KIAA0319: variants seen among roughly 807,000 people sequenced by gnomAD.
KIAA0319 encodes KIAA0319.
Under a neutral mutation model 108.4 loss-of-function variants are expected in KIAA0319, and 83 were observed. The observed-to-expected ratio is 0.77, with a 90% confidence interval of 0.64 to 0.92. The LOEUF (loss-of-function observed/expected upper bound fraction) is 0.92. Ranked by LOEUF, KIAA0319 falls within the 40% of genes least tolerant of loss-of-function variation. The pLI is 0.00. For missense variants in KIAA0319, 1,195 were observed against 1,322.4 expected, an observed-to-expected ratio of 0.90 and a Z score of 1.49; for synonymous variants, 484 against 510.4, an observed-to-expected ratio of 0.95 and a Z score of 0.70.
chr6:24,597,917 CAAAAAAAAAAAAAAAAAAAA>C (rs540860751), intron 2 of KIAA0319: 17 of 32,456 alleles, frequency 5.2e-4, no homozygotes, highest in Non-Finnish European at 8.3e-4. Flanking sequence ...GACCCTATCT[CAAAAAAAAAAAAAAAAAAAA>C]AAAAAAAAAA....
chr6:24,640,201 C>A (rs1163511794), intron 1 of KIAA0319, among the ~76,000 whole-genome samples: 1 of 151,868 alleles, frequency 6.6e-6, no homozygotes, highest in Admixed American at 6.6e-5. Flanking sequence ...TAAAACAGTC[C>A]CTTCTCTATA....
chr6:24,571,034 A>T (rs936160167), intron 11 of KIAA0319, among the ~76,000 whole-genome samples: 5 of 151,530 alleles, frequency 3.3e-5, no homozygotes, highest in Non-Finnish European at 1.5e-5. Flanking sequence ...TCTATTAAAA[A>T]TCCAAAAATT....
chr6:24,634,378 TAGAGA>T (rs944407454), intron 1 of KIAA0319, among the ~76,000 whole-genome samples: 14 of 152,200 alleles, frequency 9.2e-5, no homozygotes, highest in South Asian at 4.1e-4. Flanking sequence ...TTCTATGTAC[TAGAGA>T]AAAGTTTGAC....
At chr6:24,549,326 CAAAAAAA>C (rs35975247) in intron 20 of KIAA0319, among the ~76,000 whole-genome samples, 1 of 115,612 alleles carries the variant, frequency 8.6e-6, no homozygotes, top group African/African-American at 3.2e-5. Flanking sequence ...ACTCTGTCTC[CAAAAAAA>C]AAAAAAAAAA....
chr6:24,625,951 A>G (rs1183095315), intron 1 of KIAA0319, among the ~76,000 whole-genome samples: 1 of 152,252 alleles, frequency 6.6e-6, no homozygotes, highest in African/African-American at 2.4e-5. Flanking sequence ...TCAAATGCCC[A>G]TAGGCTTAAA....
rs550788517 is a variant in KIAA0319 at position 24,602,430 on chromosome 6, G to T, written c.-105-1222C>A. ...GAAGTGGATGGCATTGTTTATGCAT[G>T]CACATCAGCTATGCAGAACCGGGGT... On this transcript the variant is annotated intron_variant, in intron 1 of 20. Transcript: ENST00000378214. 3.3e-5 allele frequency among the ~76,000 whole-genome samples: 5 copies of T among 152,352 alleles called. No homozygotes were observed. In the South Asian group the frequency reaches 1.0e-3, roughly 32 times the overall value.
intron 6 of KIAA0319, 50 bp from the exon 7 acceptor site, chr6:24,581,063 T>C: frequency 8.5e-7 from 1 of 1,175,688 alleles, no homozygotes; most frequent in Non-Finnish European, 1.3e-6. Flanking sequence ...ACGTGATGGG[T>C]CCACTACGTA....
At chr6:24,553,333 A>G (rs866921374) in intron 19 of KIAA0319, among the ~76,000 whole-genome samples, 651 of 61,974 alleles carry the variant, frequency 0.011, 5 homozygotes, top group Middle Eastern at 0.028. Context: ...ACACACACAC[A>G]CACGCACATA....
At chr6:24,642,219 G>GGAAAGAAAGAGAAGGAAGA (rs1777040325) in intron 1 of KIAA0319, among the ~76,000 whole-genome samples, 1 of 144,878 alleles carries the variant, frequency 6.9e-6, no homozygotes, top group Non-Finnish European at 1.5e-5. Context: ...GGAAAGGAAG[G>GGAAAGAAAGAGAAGGAAGA]AAGGAAAGAA....
At position 24,588,769 on chromosome 6, in the gene KIAA0319, T is replaced by C. The variant is rs925057110; in HGVS notation, c.818A>G (p.His273Arg). 1.9e-6 allele frequency: 3 copies of C among 1,613,590 alleles called. No homozygotes were observed. The highest frequency in any genetic ancestry group is 2.2e-5 in the South Asian group (2 of 91,048). The change falls in exon 4 of 21, where the codon CAT (histidine) becomes CGT (arginine). Residue 273 changes from histidine to arginine, a missense_variant. Transcript: ENST00000378214. ...CTCCAGGCTTGCCGGAGGAAGACTA[T>C]GGGAAGGCATTAGAACCTACGAGAT... ...SSGKEVLMPSHSLPPASLELS... is the reference protein window; with the variant it reads ...SSGKEVLMPSRSLPPASLELS...
chr6:24,605,310 C>T (rs2127542004), intron 1 of KIAA0319, among the ~76,000 whole-genome samples: 1 of 152,238 alleles, frequency 6.6e-6, no homozygotes, highest in African/African-American at 2.4e-5. Context: ...ATACTCAAGA[C>T]CTCAAGCTTT....
intron 4 of KIAA0319, among the ~76,000 whole-genome samples, chr6:24,586,366 A>G (rs963481321): frequency 6.6e-6 from 1 of 152,192 alleles, no homozygotes; most frequent in African/African-American, 2.4e-5. Flanking sequence ...AGCTCTGAAA[A>G]CAGAGTAGAA....
chr6:24,595,406 G>T (rs1195162730), intron 3 of KIAA0319, among the ~76,000 whole-genome samples: 1 of 152,024 alleles, frequency 6.6e-6, no homozygotes, highest in Non-Finnish European at 1.5e-5. Flanking sequence ...AATTAGCTGG[G>T]CATGGTGATG....
At chr6:24,571,389 A>G in intron 11 of KIAA0319, among the ~76,000 whole-genome samples, 1 of 151,866 alleles carries the variant, frequency 6.6e-6, no homozygotes, top group East Asian at 1.9e-4. Context: ...AAAAAAAAAA[A>G]AAAAAAGAAG....
intron 3 of KIAA0319, among the ~76,000 whole-genome samples, chr6:24,589,743 T>C (rs148842121): frequency 2.0e-4 from 31 of 152,338 alleles, no homozygotes; most frequent in African/African-American, 6.7e-4. Context: ...ACTACTACAA[T>C]GGTATTTTGT....
chr6:24,617,627 A>G (rs1773339113), intron 1 of KIAA0319, among the ~76,000 whole-genome samples: 1 of 152,186 alleles, frequency 6.6e-6, no homozygotes, highest in East Asian at 1.9e-4. Flanking sequence ...CAGAAGTCAG[A>G]GCCTTGAGCT....
At chr6:24,556,460 C>A in intron 18 of KIAA0319, 147 bp downstream of exon 18, 1 of 854,902 alleles carries the variant, frequency 1.2e-6, no homozygotes, top group Non-Finnish European at 1.7e-6. Flanking sequence ...CATCACCATG[C>A]CTGGCTTATT....
At chr6:24,570,149 T>G in intron 11 of KIAA0319, 114 bp from the exon 12 acceptor site, 1 of 968,718 alleles carries the variant, frequency 1.0e-6, no homozygotes, top group Non-Finnish European at 1.5e-6. Flanking sequence ...GCCACTAGAG[T>G]ATGCAGCATC....
chr6:24,618,308 C>T (rs1018925787), intron 1 of KIAA0319, among the ~76,000 whole-genome samples: 27 of 152,074 alleles, frequency 1.8e-4, no homozygotes, highest in Middle Eastern at 3.4e-3. Flanking sequence ...CAAACCAGAA[C>T]GTACAATTCA....
Sources: gnomAD v4.1 joint callset for allele counts (sites outside exome capture counted in the v4.1 genomes callset) on GRCh38, gnomAD v4.1.1 for gene constraint, MANE v1.5 for transcripts, NCBI Gene and HGNC (gene_info 2026-07-23, HGNC 2026-07-21) for gene names.